Variants in SNAPC3 observed in about 807,000 individuals in gnomAD.
SNAPC3 encodes the protein small nuclear RNA activating complex polypeptide 3.
A neutral mutation model predicts 47.7 loss-of-function variants in SNAPC3; 56 were observed. That is an observed-to-expected ratio of 1.18 (90% confidence interval 0.95 to 1.47). SNAPC3 has a LOEUF of 1.47. Ranked by LOEUF, SNAPC3 falls within the 40% of genes most tolerant of loss-of-function variation. The pLI, the probability that SNAPC3 is intolerant of heterozygous loss-of-function variation, is 0.00. For synonymous variants in SNAPC3, 235 were observed against 189.9 expected (o/e 1.24, Z -1.95); for missense variants, 665 against 511.3 (o/e 1.30, Z -2.90).
At position 15,456,429 on chromosome 9, in the gene SNAPC3, G is replaced by C. The variant is rs74601534; in HGVS notation, c.981-1531G>C. On this transcript the variant is annotated intron_variant, in intron 7 of 8. Transcript: ENST00000380821. ...CTTCTTGATACAGTGATCAACAAAA[G>C]AAACATGATTTGTTTGAGTGTCAAA... 6.0e-4 allele frequency among the ~76,000 whole-genome samples: 91 copies of C among 152,128 alleles called. 1 individual carries two copies. In the East Asian group the frequency reaches 0.016, roughly 27 times the overall value.
rs1281686808 is a variant in SNAPC3, at chr9:15,461,559, A to G, written c.*1693A>G. ...GGGTAGAACATTTAATACTGTTTAG[A>G]AGACTTTTAGGAATACTATAGATTT... is the stretch of plus-strand genomic sequence containing the variant. On this transcript the variant is annotated 3_prime_UTR_variant, in exon 9 of 9. Transcript: ENST00000380821. The G allele has an allele frequency of 6.6e-6, 1 of 152,228 alleles. No homozygotes were observed. The highest frequency in any genetic ancestry group is 2.4e-5 in the African/African-American group (1 of 41,460). The allele number at this position is 152,228 out of a possible 1,614,324, so 9.4% of individuals were successfully genotyped here. A position where few individuals can be genotyped will look rare whatever the true frequency, so the allele number is the denominator to read the frequency against.
Position 15,460,012 on chromosome 9 carries a change from T to G in SNAPC3, c.*146T>G. 1 of 529,690 alleles carries G rather than the reference T, an allele frequency of 1.9e-6. No individual in the cohort carries two copies. The highest frequency in any genetic ancestry group is 3.2e-6 in the Non-Finnish European group (1 of 308,844). 32.8% of individuals were successfully genotyped at this position (529,690 alleles called of 1,614,324 possible). On this transcript the variant is annotated 3_prime_UTR_variant, in exon 9 of 9. Coordinates refer to ENST00000380821, the MANE Select transcript of SNAPC3 (RefSeq NM_001039697.2). ...CAAAAAAAAGTCCAAATGACAGATT[T>G]TCTTATAATGATAGTATTTAAATGT... is the stretch of plus-strand genomic sequence containing the variant.
intron 8 of SNAPC3, 116 bp from the exon 9 acceptor site, chr9:15,459,600 TTAA>T: frequency 1.3e-6 from 1 of 759,252 alleles, no homozygotes; most frequent in Non-Finnish European, 2.2e-6. Context: ...TTATTATGCA[TTAA>T]TAACAGACTG....
downstream of SNAPC3, chr9:15,465,716 G>T: frequency 3.1e-6 from 2 of 651,080 alleles, no homozygotes; most frequent in Non-Finnish European, 2.6e-6. Context: ...AACTTGACTT[G>T]TTATTAGAAC....
At chr9:15,455,105 T>C (rs966215067) in intron 7 of SNAPC3, among the ~76,000 whole-genome samples, 1 of 152,116 alleles carries the variant, frequency 6.6e-6, no homozygotes, top group African/African-American at 2.4e-5. Flanking sequence ...GGTAGTTCTG[T>C]GGTGAGAAGT....
intron 3 of SNAPC3, among the ~76,000 whole-genome samples, chr9:15,442,620 G>A (rs78645974): frequency 4.0e-4 from 61 of 151,946 alleles, no homozygotes; most frequent in East Asian, 2.1e-3. Flanking sequence ...ATGGGCGGCC[G>A]GGCAGAGACG....
downstream of SNAPC3, chr9:15,465,802 T>A (rs940254399): frequency 2.2e-6 from 1 of 458,698 alleles, no homozygotes; most frequent in Non-Finnish European, 3.8e-6. Context: ...AATATGCAGA[T>A]GAAGCAAAAT....
rs145244220 is a variant in SNAPC3 at position 15,443,340 on chromosome 9, C to G, written c.478-1262C>G. 1.2e-3 allele frequency among the ~76,000 whole-genome samples: 187 copies of G among 152,268 alleles called. 1 individual carries two copies. The highest frequency in any genetic ancestry group is 4.3e-3 in the African/African-American group (177 of 41,548). On this transcript the variant is annotated intron_variant, in intron 3 of 8. Coordinates refer to ENST00000380821, the MANE Select transcript of SNAPC3 (RefSeq NM_001039697.2). ...TGGGCTTCCTCAGGGTTGGTTTTGT[C>G]AAATTCTTATTTTCCTAAGAGTTGT...
chr9:15,448,146 A>G (rs1044268224), intron 5 of SNAPC3, among the ~76,000 whole-genome samples: 20 of 152,202 alleles, frequency 1.3e-4, no homozygotes, highest in African/African-American at 4.8e-4. Context: ...GGATGGAGAT[A>G]GTGTTTGGAC....
intron 1 of SNAPC3, 94 bp downstream of exon 1, chr9:15,423,287 C>T: frequency 1.5e-6 from 2 of 1,292,534 alleles, no homozygotes; most frequent in Non-Finnish European, 2.1e-6. Flanking sequence ...TGAGAAGGGC[C>T]TGTGGTTTAG....
In SNAPC3 at chr9:15,460,022, G is replaced by T; in HGVS notation, c.*156G>T. The T allele has an allele frequency of 2.0e-6, 1 of 510,708 alleles. No homozygotes were observed. The highest frequency in any genetic ancestry group is 3.4e-6 in the Non-Finnish European group (1 of 294,972). 31.6% of individuals were successfully genotyped at this position (510,708 alleles called of 1,614,324 possible). ...TCCAAATGACAGATTTTCTTATAATGATAGTATTTAAATGTTTATAACATA... is the reference window on the plus strand; with the variant it reads ...TCCAAATGACAGATTTTCTTATAATTATAGTATTTAAATGTTTATAACATA... On this transcript the variant is annotated 3_prime_UTR_variant, in exon 9 of 9. Coordinates refer to ENST00000380821, the MANE Select transcript of SNAPC3 (RefSeq NM_001039697.2).
chr9:15,425,823 G>T (rs373185090), intron 2 of SNAPC3, among the ~76,000 whole-genome samples: 108 of 152,246 alleles, frequency 7.1e-4, no homozygotes, highest in African/African-American at 2.2e-3. Flanking sequence ...AGTCTGTAGT[G>T]GCTCACAAAG....
intron 2 of SNAPC3, among the ~76,000 whole-genome samples, chr9:15,430,296 G>C (rs1052317410): frequency 1.9e-4 from 29 of 152,118 alleles, no homozygotes; most frequent in Admixed American, 1.6e-3. Flanking sequence ...GCCAGCTGTG[G>C]TGGCACACAC....
intron 2 of SNAPC3, among the ~76,000 whole-genome samples, chr9:15,429,096 C>G (rs1352518451): frequency 2.0e-5 from 3 of 152,108 alleles, no homozygotes; most frequent in East Asian, 1.9e-4. Context: ...ATCATCAAGT[C>G]TTCTGTGCAA....
downstream of SNAPC3, chr9:15,464,902 T>C (rs2035507938): frequency 9.4e-6 from 2 of 212,720 alleles, no homozygotes; most frequent in Non-Finnish European, 1.9e-5. Context: ...CTCAGTTCCA[T>C]GTCAGTTGCT....
At chr9:15,458,367 T>C (rs767243082) in intron 8 of SNAPC3, among the ~76,000 whole-genome samples, 1 of 152,178 alleles carries the variant, frequency 6.6e-6, no homozygotes, top group Non-Finnish European at 1.5e-5. Context: ...AATTCTCTGA[T>C]AGAATACATT....
downstream of SNAPC3, among the ~76,000 whole-genome samples, chr9:15,466,349 G>C (rs564406654): frequency 7.2e-5 from 11 of 152,278 alleles, no homozygotes; most frequent in African/African-American, 2.6e-4. Context: ...TTGCACTCCA[G>C]CCTGAGCAAC....
intron 4 of SNAPC3, among the ~76,000 whole-genome samples, chr9:15,444,909 C>T (rs7023290): frequency 0.91 from 138,395 of 152,224 alleles, 63,161 homozygotes; most frequent in African/African-American, 0.94. Context: ...CTGGGTAACA[C>T]AGTGAGACCT....
downstream of SNAPC3, among the ~76,000 whole-genome samples, chr9:15,466,339 T>C (rs1882939): frequency 0.11 from 17,015 of 152,174 alleles, 1,759 homozygotes; most frequent in African/African-American, 0.28. Context: ...GATCGTGCCA[T>C]TGCACTCCAG....
Sources: gnomAD v4.1 joint callset for allele counts (sites outside exome capture counted in the v4.1 genomes callset) on GRCh38, gnomAD v4.1.1 for gene constraint, MANE v1.5 for transcripts, NCBI Gene and HGNC (gene_info 2026-07-23, HGNC 2026-07-21) for gene names.